Variants in CHRM3 observed in about 807,000 individuals in gnomAD.
CHRM3 encodes cholinergic receptor muscarinic 3.
A neutral mutation model predicts 41.8 loss-of-function variants in CHRM3; 11 were observed. The observed-to-expected ratio is 0.26, with a 90% confidence interval of 0.17 to 0.44. The LOEUF (loss-of-function observed/expected upper bound fraction) is 0.44. Among genes scored for constraint, CHRM3 ranks in the 20% least tolerant of loss-of-function variants. CHRM3 has a pLI of 1.00. For missense variants in CHRM3, 571 were observed against 745.4 expected (o/e 0.77, Z 2.72); for synonymous variants, 297 against 301.4 (o/e 0.99, Z 0.15).
At chr1:239,863,824 C>T (rs2149282491) in intron 6 of CHRM3, among the ~76,000 whole-genome samples, 1 of 152,214 alleles carries the variant, frequency 6.6e-6, no homozygotes, top group East Asian at 1.9e-4. Context: ...AGAAAGAAAA[C>T]TACCAAACTC....
At chr1:239,846,360 C>A (rs1466173094) in intron 6 of CHRM3, among the ~76,000 whole-genome samples, 1 of 152,176 alleles carries the variant, frequency 6.6e-6, no homozygotes, top group South Asian at 2.1e-4. Context: ...TCCTAGTAGG[C>A]ATCTACTAAT....
At chr1:239,715,385 A>G (rs1429100829) in intron 5 of CHRM3, among the ~76,000 whole-genome samples, 1 of 152,154 alleles carries the variant, frequency 6.6e-6, no homozygotes, top group East Asian at 1.9e-4. Context: ...TGGTGTTCTG[A>G]TAAACCAGGC....
At chr1:239,904,157 GA>G (rs1679790206) in intron 6 of CHRM3, among the ~76,000 whole-genome samples, 1 of 152,186 alleles carries the variant, frequency 6.6e-6, no homozygotes, top group South Asian at 2.1e-4. Flanking sequence ...CTAGATAGTA[GA>G]AATGAGGAAA....
chr1:239,716,090 G>A (rs114855119), intron 5 of CHRM3, among the ~76,000 whole-genome samples: 29 of 152,120 alleles, frequency 1.9e-4, no homozygotes, highest in Non-Finnish European at 3.8e-4. Flanking sequence ...GTGGAGGGAC[G>A]ACAAGAATTC....
chr1:239,759,199 AG>A (rs1666522549), intron 5 of CHRM3, among the ~76,000 whole-genome samples: 1 of 100,868 alleles, frequency 9.9e-6, no homozygotes, highest in African/African-American at 5.0e-5. Context: ...TTTTTTTTAG[AG>A]AGAGGCTTAT....
intron 5 of CHRM3, among the ~76,000 whole-genome samples, chr1:239,689,629 T>C (rs1208188179): frequency 6.6e-6 from 1 of 152,206 alleles, no homozygotes; most frequent in East Asian, 1.9e-4. Flanking sequence ...AGAGTTTGCT[T>C]TCTCTTTCTC....
At chr1:239,495,371 C>CTT (rs1156248218) in intron 2 of CHRM3, among the ~76,000 whole-genome samples, 2 of 152,176 alleles carry the variant, frequency 1.3e-5, no homozygotes, top group Non-Finnish European at 2.9e-5. Flanking sequence ...GGACCTCTTG[C>CTT]TTTATCTATC....
chr1:239,671,956 A>T (rs1156430699), intron 4 of CHRM3, among the ~76,000 whole-genome samples: 1 of 152,198 alleles, frequency 6.6e-6, no homozygotes, highest in Non-Finnish European at 1.5e-5. Flanking sequence ...CTGCAAAACA[A>T]GAATGACAGT....
At chr1:239,424,382 G>A (rs1662206759) in intron 1 of CHRM3, among the ~76,000 whole-genome samples, 1 of 151,638 alleles carries the variant, frequency 6.6e-6, no homozygotes, top group Admixed American at 6.6e-5. Flanking sequence ...ATTAATATTA[G>A]ATCTGCATTT....
intron 1 of CHRM3, among the ~76,000 whole-genome samples, chr1:239,388,722 T>C (rs1370346964): frequency 2.0e-5 from 3 of 152,228 alleles, no homozygotes; most frequent in Non-Finnish European, 4.4e-5. Context: ...CCTCTTGTTA[T>C]AAGAGCTGAT....
In CHRM3 at chr1:239,620,911, A is replaced by G. The variant is rs141646553; in HGVS notation, c.-312-11313A>G. Among the ~76,000 whole-genome samples, 771 of 152,230 alleles carry G rather than the reference A, an allele frequency of 5.1e-3. 10 individuals carry two copies. Among genetic ancestry groups the G allele is most frequent in the African/African-American group, 0.018 (750 of 41,550 alleles). On this transcript the variant is annotated intron_variant, in intron 3 of 6. Coordinates refer to ENST00000676153, the MANE Select transcript of CHRM3 (RefSeq NM_001375978.1). ...GAGTGGTAGGATAATAGTAAAAGAA[A>G]TGGGTAGAGACATACTTTATTTTAT... is the stretch of plus-strand genomic sequence containing the variant.
At chr1:239,744,096 C>G (rs1665130696) in intron 5 of CHRM3, among the ~76,000 whole-genome samples, 1 of 151,702 alleles carries the variant, frequency 6.6e-6, no homozygotes, top group Non-Finnish European at 1.5e-5. Flanking sequence ...AGGTATGAGC[C>G]ACTGTGTCCA....
intron 2 of CHRM3, among the ~76,000 whole-genome samples, chr1:239,532,405 A>G (rs575338739): frequency 6.7e-6 from 1 of 149,680 alleles, no homozygotes; most frequent in Non-Finnish European, 1.5e-5. Context: ...AGGTGGGTGG[A>G]TCACGAGGTC....
At chr1:239,879,797 C>T (rs1393879927) in intron 6 of CHRM3, among the ~76,000 whole-genome samples, 2 of 152,222 alleles carry the variant, frequency 1.3e-5, no homozygotes, top group African/African-American at 2.4e-5. Flanking sequence ...CGGTCACACA[C>T]AGCTGGTTGC....
chr1:239,400,589 T>C (rs1252666121), intron 1 of CHRM3, among the ~76,000 whole-genome samples: 2 of 152,214 alleles, frequency 1.3e-5, no homozygotes, highest in Non-Finnish European at 2.9e-5. Flanking sequence ...TTTTGGGCCT[T>C]AAATTTAAGT....
intron 1 of CHRM3, among the ~76,000 whole-genome samples, chr1:239,483,333 C>T (rs1197447199): frequency 6.6e-6 from 1 of 152,180 alleles, no homozygotes; most frequent in African/African-American, 2.4e-5. Flanking sequence ...CCAAACAGCT[C>T]TTCTGTAGCT....
At chr1:239,658,892 C>T (rs903877168) in intron 4 of CHRM3, among the ~76,000 whole-genome samples, 1 of 152,042 alleles carries the variant, frequency 6.6e-6, no homozygotes, top group African/African-American at 2.4e-5. Flanking sequence ...GTGTGTGCCA[C>T]CACACCTGGC....
intron 6 of CHRM3, among the ~76,000 whole-genome samples, chr1:239,840,204 CAT>C (rs1673675329): frequency 6.6e-6 from 1 of 152,072 alleles, no homozygotes; most frequent in Non-Finnish European, 1.5e-5. Flanking sequence ...CATTTAGAAA[CAT>C]ATAAGTTTGC....
intron 3 of CHRM3, among the ~76,000 whole-genome samples, chr1:239,550,355 C>G (rs1016790882): frequency 1.3e-5 from 2 of 152,136 alleles, no homozygotes; most frequent in African/African-American, 4.8e-5. Flanking sequence ...TTTTGCAATG[C>G]TTTGTTGATG....
Sources: gnomAD v4.1 joint callset for allele counts (sites outside exome capture counted in the v4.1 genomes callset) on GRCh38, gnomAD v4.1.1 for gene constraint, MANE v1.5 for transcripts, NCBI Gene and HGNC (gene_info 2026-07-23, HGNC 2026-07-21) for gene names.